Variants in TMEM132C observed in about 807,000 individuals in gnomAD.
TMEM132C encodes the protein transmembrane protein 132C.
TMEM132C carries 29 observed loss-of-function variants against 61.4 expected under a neutral mutation model. That is an observed-to-expected ratio of 0.47 (90% CI 0.35 to 0.64). TMEM132C has a LOEUF of 0.64. Ranked by LOEUF, TMEM132C falls within the 30% of genes least tolerant of loss-of-function variation. TMEM132C has a pLI of 0.00. For synonymous variants in TMEM132C, 656 were observed against 633.1 expected (o/e 1.04, Z -0.54); for missense variants, 1,408 against 1,476.9 (o/e 0.95, Z 0.76).
At chr12:128,677,582 C>T (rs1371809355) in intron 5 of TMEM132C, among the ~76,000 whole-genome samples, 1 of 152,070 alleles carries the variant, frequency 6.6e-6, no homozygotes, top group Non-Finnish European at 1.5e-5. Flanking sequence ...CCTATTTGGA[C>T]AGCACCCTAT....
intron 2 of TMEM132C, among the ~76,000 whole-genome samples, chr12:128,457,598 C>T (rs1870391010): frequency 6.6e-6 from 1 of 151,082 alleles, no homozygotes; most frequent in African/African-American, 2.4e-5. Context: ...AAAAATTAGG[C>T]AGTCTAGTGA....
At chr12:128,340,856 T>TTCTTTCTTC (rs1872943902) in intron 1 of TMEM132C, among the ~76,000 whole-genome samples, 1 of 147,268 alleles carries the variant, frequency 6.8e-6, no homozygotes, top group African/African-American at 2.6e-5. Context: ...TCTCTTTCTT[T>TTCTTTCTTC]CTTCCTTCCT....
chr12:128,360,272 ACACAC>A (rs1873658658), intron 1 of TMEM132C, among the ~76,000 whole-genome samples: 1 of 149,368 alleles, frequency 6.7e-6, no homozygotes, highest in South Asian at 2.1e-4. Context: ...ACACACACAC[ACACAC>A]ACACCCCAGG....
chr12:128,629,781 G>C (rs540985765), intron 4 of TMEM132C, among the ~76,000 whole-genome samples: 4 of 152,094 alleles, frequency 2.6e-5, no homozygotes, highest in Non-Finnish European at 5.9e-5. Flanking sequence ...GCCTGGCCAA[G>C]ATGGTGAGAC....
chr12:128,285,982 T>C (rs1871054660), intron 1 of TMEM132C, among the ~76,000 whole-genome samples: 2 of 138,898 alleles, frequency 1.4e-5, no homozygotes, highest in African/African-American at 5.8e-5. Flanking sequence ...TCTCTCCCTT[T>C]CTCTCTTTCT....
rs938121296 is a variant in TMEM132C at position 128,689,808 on chromosome 12, A to G, written c.1450-4021A>G. Among the ~76,000 whole-genome samples the G allele has an allele frequency of 2.0e-5, 3 of 152,200 alleles. No individual in the cohort carries two copies. The East Asian group carries it at 5.8e-4, about 29-fold the overall frequency. On this transcript the variant is annotated intron_variant, in intron 5 of 8. Coordinates refer to ENST00000435159, the MANE Select transcript of TMEM132C (RefSeq NM_001136103.3). ...GAGCAGCAGCAGCAACAGCATCCGC[A>G]GCCGCTGGTTACAAATGCCCGTGTG...
intron 2 of TMEM132C, among the ~76,000 whole-genome samples, chr12:128,427,551 T>G (rs568766832): frequency 1.3e-5 from 2 of 152,132 alleles, no homozygotes; most frequent in African/African-American, 4.8e-5. Context: ...AGGCTCAGCC[T>G]AGGACACTTC....
intron 5 of TMEM132C, among the ~76,000 whole-genome samples, chr12:128,687,146 G>A (rs1954683352): frequency 6.8e-6 from 1 of 147,786 alleles, no homozygotes; most frequent in Non-Finnish European, 1.5e-5. Flanking sequence ...AGGTTGCAGT[G>A]AGCCGAGATG....
chr12:128,683,832 G>C (rs1376201544), intron 5 of TMEM132C, among the ~76,000 whole-genome samples: 1 of 152,106 alleles, frequency 6.6e-6, no homozygotes, highest in Non-Finnish European at 1.5e-5. Context: ...CAGGCATGGT[G>C]GTGGATGCCT....
At chr12:128,512,263 C>T (rs1010473712) in intron 2 of TMEM132C, among the ~76,000 whole-genome samples, 2 of 152,168 alleles carry the variant, frequency 1.3e-5, no homozygotes, top group African/African-American at 4.8e-5. Flanking sequence ...GAGCCACTTG[C>T]ATTTGTTTCT....
intron 1 of TMEM132C, among the ~76,000 whole-genome samples, chr12:128,399,068 C>A (rs2136007806): frequency 6.6e-6 from 1 of 152,208 alleles, no homozygotes; most frequent in Non-Finnish European, 1.5e-5. Context: ...TCTACTTTGT[C>A]CCCTAAGACT....
chr12:128,696,171 G>T, intron 7 of TMEM132C, 68 bp downstream of exon 7: 1 of 1,499,264 alleles, frequency 6.7e-7, no homozygotes. Context: ...AGAGTCAATG[G>T]GTGGGCAGAT....
chr12:128,660,614 C>T (rs1329116074), intron 4 of TMEM132C, among the ~76,000 whole-genome samples: 1 of 152,196 alleles, frequency 6.6e-6, no homozygotes, highest in Non-Finnish European at 1.5e-5. Context: ...CAGTCACTTT[C>T]CCAGCATATA....
intron 3 of TMEM132C, among the ~76,000 whole-genome samples, chr12:128,615,191 G>C (rs572512777): frequency 1.6e-4 from 24 of 152,258 alleles, no homozygotes; most frequent in Middle Eastern, 6.8e-3. Context: ...AAGCAGAGGG[G>C]GTTGAAGGTG....
chr12:128,293,124 T>C lies in TMEM132C; in HGVS notation c.85+25637T>C, dbSNP rs555131625. 6.6e-5 allele frequency among the ~76,000 whole-genome samples: 10 copies of C among 152,264 alleles called. No individual in the cohort carries two copies. The East Asian group carries it at 1.9e-3, about 29-fold the overall frequency. On this transcript the variant is annotated intron_variant, in intron 1 of 8. Transcript: ENST00000435159. ...TCTGAACCTGTAGTGTCTCCTGGATTGCTGTCAGTGAGGACAGAGGATCCT... is the reference window on the plus strand; with the variant it reads ...TCTGAACCTGTAGTGTCTCCTGGATCGCTGTCAGTGAGGACAGAGGATCCT...
chr12:128,543,871 A>G (rs1462099605), intron 2 of TMEM132C, 86 bp from the exon 3 acceptor site: 2 of 1,471,902 alleles, frequency 1.4e-6, no homozygotes, highest in Non-Finnish European at 1.8e-6. Flanking sequence ...ACAGAAACTA[A>G]AGGTGACAAC....
At chr12:128,357,917 T>C (rs995537086) in intron 1 of TMEM132C, among the ~76,000 whole-genome samples, 1 of 150,306 alleles carries the variant, frequency 6.7e-6, no homozygotes, top group African/African-American at 2.4e-5. Context: ...CCAGTTCTGC[T>C]TGTAGAATTT....
At chr12:128,447,673 A>G (rs1265074308) in intron 2 of TMEM132C, among the ~76,000 whole-genome samples, 1 of 143,106 alleles carries the variant, frequency 7.0e-6, no homozygotes, top group Non-Finnish European at 1.5e-5. Context: ...CAGAGTCACC[A>G]CACTCCTAGA....
intron 2 of TMEM132C, among the ~76,000 whole-genome samples, chr12:128,423,920 C>G (rs1869084527): frequency 6.6e-6 from 1 of 151,618 alleles, no homozygotes; most frequent in Non-Finnish European, 1.5e-5. Flanking sequence ...GTGGCAGGTA[C>G]CTGTAGTCCC....
Sources: gnomAD v4.1 joint callset for allele counts (sites outside exome capture counted in the v4.1 genomes callset) on GRCh38, gnomAD v4.1.1 for gene constraint, MANE v1.5 for transcripts, NCBI Gene and HGNC (gene_info 2026-07-23, HGNC 2026-07-21) for gene names.